IQCM: variants seen among roughly 807,000 people sequenced by gnomAD.
The protein encoded by IQCM is IQ domain-containing protein M.
Under a neutral mutation model 57.6 loss-of-function variants are expected in IQCM, and 45 were observed. That is an observed-to-expected ratio of 0.78 (90% CI 0.62 to 1.00). The LOEUF is 1.00. Among genes scored for constraint, IQCM ranks in the 50% least tolerant of loss-of-function variants. IQCM has a pLI of 0.00. For synonymous variants in IQCM, 148 were observed against 158.9 expected (o/e 0.93, Z 0.51); for missense variants, 468 against 511.6 (o/e 0.91, Z 0.82).
intron 7 of IQCM, among the ~76,000 whole-genome samples, chr4:149,647,434 T>C (rs1195429907): frequency 6.6e-6 from 1 of 152,128 alleles, no homozygotes; most frequent in African/African-American, 2.4e-5. Flanking sequence ...ACTTTGTCTT[T>C]ATTTATCAAG....
chr4:149,697,462 A>G (rs189662190), intron 5 of IQCM, among the ~76,000 whole-genome samples: 119 of 152,282 alleles, frequency 7.8e-4, no homozygotes, highest in Admixed American at 1.5e-3. Context: ...GAATTTTGCA[A>G]TCCAGATTAA....
chr4:149,669,836 ATC>A (rs1238716947), intron 7 of IQCM, among the ~76,000 whole-genome samples: 2 of 152,016 alleles, frequency 1.3e-5, no homozygotes, highest in South Asian at 2.1e-4. Flanking sequence ...GTTGGTCTAT[ATC>A]TCTGTTTTGG....
intron 12 of IQCM, among the ~76,000 whole-genome samples, chr4:149,472,781 T>C (rs1049396817): frequency 2.6e-5 from 4 of 151,948 alleles, no homozygotes; most frequent in Admixed American, 6.6e-5. Context: ...GAGATATAGA[T>C]CAATGGAACA....
At chr4:149,593,584 G>C (rs185345740) in intron 8 of IQCM, among the ~76,000 whole-genome samples, 198 of 152,152 alleles carry the variant, frequency 1.3e-3, no homozygotes, top group African/African-American at 4.6e-3. Context: ...TATGATATTG[G>C]CTGTGGGTTT....
chr4:149,548,809 C>T (rs537889349), intron 11 of IQCM, among the ~76,000 whole-genome samples: 3 of 152,230 alleles, frequency 2.0e-5, no homozygotes, highest in Admixed American at 6.5e-5. Flanking sequence ...TGAATACTGG[C>T]ATCTTCTATA....
chr4:149,737,950 T>C (rs1046885368), intron 3 of IQCM, among the ~76,000 whole-genome samples: 1 of 152,316 alleles, frequency 6.6e-6, no homozygotes, highest in Non-Finnish European at 1.5e-5. Context: ...AATTACAACA[T>C]TGTCATGTGC....
intron 13 of IQCM, among the ~76,000 whole-genome samples, chr4:149,364,690 T>C (rs1729715664): frequency 6.6e-6 from 1 of 152,084 alleles, no homozygotes; most frequent in Non-Finnish European, 1.5e-5. Flanking sequence ...AGATGGCATA[T>C]ATAAATAATA....
At chr4:149,649,811 T>C (rs992366039) in intron 7 of IQCM, among the ~76,000 whole-genome samples, 4 of 152,184 alleles carry the variant, frequency 2.6e-5, no homozygotes, top group Admixed American at 2.0e-4. Context: ...AATCTCTTGA[T>C]ATAATAATCA....
Position 149,479,455 on chromosome 4 carries a change from G to C in IQCM, c.1229-45898C>G, listed in dbSNP as rs529093649. 4.9e-4 allele frequency among the ~76,000 whole-genome samples: 74 copies of C among 152,158 alleles called. 1 individual carries two copies. In the South Asian group the frequency reaches 0.015, roughly 32 times the overall value. On this transcript the variant is annotated intron_variant, in intron 12 of 13. Coordinates refer to ENST00000636793, the MANE Select transcript of IQCM (RefSeq NM_001363507.2). ...TTACTATGTCAGTAACTGTTCTAGG[G>C]GCTTGGCATGTATGAACTCATATGA...
At position 149,671,562 on chromosome 4, in the gene IQCM, C is replaced by G. The variant is rs538365458; in HGVS notation, c.565+10556G>C. ...TCTTGCTTCTCCAGTTCTTCTAGTT[C>G]TGATGTTAGGGTGTCAATTTTAGAT... On this transcript the variant is annotated intron_variant, in intron 7 of 13. Transcript: ENST00000636793. Among the ~76,000 whole-genome samples the G allele has an allele frequency of 8.5e-5, 13 of 152,224 alleles. No individual in the cohort carries two copies. In the South Asian group the frequency reaches 2.7e-3, roughly 32 times the overall value.
chr4:149,756,726 C>T (rs1769000399), intron 2 of IQCM, among the ~76,000 whole-genome samples: 1 of 152,074 alleles, frequency 6.6e-6, no homozygotes, highest in Non-Finnish European at 1.5e-5. Flanking sequence ...TTAAACCCAA[C>T]AATCAAGAAG....
At chr4:149,497,656 G>C (rs1364530284) in intron 12 of IQCM, among the ~76,000 whole-genome samples, 1 of 150,556 alleles carries the variant, frequency 6.6e-6, no homozygotes, top group South Asian at 2.1e-4. Context: ...TTCAAGATAA[G>C]ATCTGAGTGG....
chr4:149,675,019 T>C (rs1761630295), intron 7 of IQCM, among the ~76,000 whole-genome samples: 1 of 152,066 alleles, frequency 6.6e-6, no homozygotes, highest in African/African-American at 2.4e-5. Context: ...ACAAAGATTG[T>C]TGTAATTTGG....
intron 12 of IQCM, among the ~76,000 whole-genome samples, chr4:149,546,328 T>C (rs1038787277): frequency 4.6e-5 from 7 of 152,208 alleles, no homozygotes; most frequent in African/African-American, 7.2e-5. Flanking sequence ...TTTGGGTATA[T>C]ATACCCAGTA....
At chr4:149,496,935 A>C (rs906489465) in intron 12 of IQCM, among the ~76,000 whole-genome samples, 30 of 152,202 alleles carry the variant, frequency 2.0e-4, no homozygotes, top group African/African-American at 6.5e-4. Flanking sequence ...ATTTGCTCCT[A>C]AAATGCTGTC....
chr4:149,775,057 A>G (rs1770960694), intron 2 of IQCM, among the ~76,000 whole-genome samples: 1 of 151,436 alleles, frequency 6.6e-6, no homozygotes, highest in African/African-American at 2.4e-5. Flanking sequence ...AAAAAAAAAA[A>G]AAAAAATCCA....
At chr4:149,632,914 C>A (rs1579781097) in intron 7 of IQCM, among the ~76,000 whole-genome samples, 1 of 151,970 alleles carries the variant, frequency 6.6e-6, no homozygotes, top group African/African-American at 2.4e-5. Context: ...GTAATCCCAG[C>A]ACTTTGGGAG....
Position 149,351,971 on chromosome 4 carries a change from T to A in IQCM, c.1486A>T (p.Lys496Ter), listed in dbSNP as rs1038130344. Residue 496 changes from lysine to a stop codon, truncating the protein, a stop_gained, in exon 14 of 14, where the codon AAG (lysine) becomes TAG (stop). Coordinates refer to ENST00000636793, the MANE Select transcript of IQCM (RefSeq NM_001363507.2). LOFTEE classifies it low-confidence loss of function (END_TRUNC). ...AAACATCATTCAACTTTACATGACTTATAATGTTGTCTCATTTTCCTTTCT... is the reference window on the plus strand; with the variant it reads ...AAACATCATTCAACTTTACATGACTAATAATGTTGTCTCATTTTCCTTTCT... ...IRERKMRQHYKSCKVE is the reference protein window; with the variant it reads ...IRERKMRQHY 2 of 398,880 alleles carry A rather than the reference T, an allele frequency of 5.0e-6. No homozygotes were observed. Among genetic ancestry groups the A allele is most frequent in the Admixed American group, 4.4e-5 (1 of 22,716 alleles). 24.7% of individuals were successfully genotyped at this position (398,880 alleles called of 1,614,324 possible).
At chr4:149,681,940 G>A (rs1762208810) in intron 7 of IQCM, among the ~76,000 whole-genome samples, 178 bp downstream of exon 7, 2 of 150,272 alleles carry the variant, frequency 1.3e-5, no homozygotes, top group Non-Finnish European at 1.5e-5. Flanking sequence ...TCAGATAAAG[G>A]CATGGAAAAC....
Sources: gnomAD v4.1 joint callset for allele counts (sites outside exome capture counted in the v4.1 genomes callset) on GRCh38, gnomAD v4.1.1 for gene constraint, MANE v1.5 for transcripts, NCBI Gene and HGNC (gene_info 2026-07-23, HGNC 2026-07-21) for gene names.